Variants in CCBE1 observed in about 807,000 individuals in gnomAD.
The protein encoded by CCBE1 is collagen and calcium binding EGF domains 1.
A neutral mutation model predicts 50.0 loss-of-function variants in CCBE1; 37 were observed. The ratio of observed to expected loss-of-function variants is 0.74; its 90% CI spans 0.57 to 0.97. The LOEUF is 0.97. CCBE1 is among the 50% of genes least tolerant of loss of function. The pLI, the probability that CCBE1 is intolerant of heterozygous loss-of-function variation, is 0.00. For synonymous variants in CCBE1, 234 were observed against 203.7 expected, an observed-to-expected ratio of 1.15 and a Z score of -1.27; for missense variants, 538 against 523.8, an observed-to-expected ratio of 1.03 and a Z score of -0.26.
At chr18:59,539,608 A>G (rs532610894) in intron 2 of CCBE1, among the ~76,000 whole-genome samples, 3 of 152,330 alleles carry the variant, frequency 2.0e-5, no homozygotes, top group African/African-American at 7.2e-5. Context: ...GCAGCAATAG[A>G]TAACTAACAC....
chr18:59,625,247 C>T (rs1337740139), intron 2 of CCBE1, among the ~76,000 whole-genome samples: 3 of 151,900 alleles, frequency 2.0e-5, no homozygotes, highest in African/African-American at 4.8e-5. Flanking sequence ...GTGGCTAACA[C>T]GGTGAAACCC....
chr18:59,493,688 T>G (rs752400496), intron 2 of CCBE1, among the ~76,000 whole-genome samples: 7 of 152,138 alleles, frequency 4.6e-5, no homozygotes, highest in Non-Finnish European at 8.8e-5. Context: ...AGACACAGAT[T>G]AGTAAGATTT....
intron 2 of CCBE1, among the ~76,000 whole-genome samples, chr18:59,598,898 A>G (rs543872076): frequency 6.6e-6 from 1 of 152,212 alleles, no homozygotes; most frequent in African/African-American, 2.4e-5. Flanking sequence ...GATACAATTC[A>G]TGCAAACCAT....
chr18:59,624,659 G>A (rs1415079718), intron 2 of CCBE1, among the ~76,000 whole-genome samples: 2 of 152,098 alleles, frequency 1.3e-5, no homozygotes, highest in Non-Finnish European at 2.9e-5. Flanking sequence ...GTACAAGTGC[G>A]GTTGTTTCAA....
intron 2 of CCBE1, among the ~76,000 whole-genome samples, chr18:59,674,303 A>G (rs193139143): frequency 6.6e-6 from 1 of 152,386 alleles, no homozygotes; most frequent in East Asian, 1.9e-4. Flanking sequence ...CCTATAAAAA[A>G]GGATGAGTTC....
At chr18:59,552,105 T>G (rs9675981) in intron 2 of CCBE1, among the ~76,000 whole-genome samples, 2,613 of 152,314 alleles carry the variant, frequency 0.017, 89 homozygotes, top group African/African-American at 0.059. Flanking sequence ...CTGGCCCTTC[T>G]CCATGGGCCT....
intron 7 of CCBE1, among the ~76,000 whole-genome samples, chr18:59,441,535 A>T (rs1481733621): frequency 6.6e-6 from 1 of 152,064 alleles, no homozygotes; most frequent in Admixed American, 6.6e-5. Context: ...GTAATAGAAC[A>T]ATCAGCAGGA....
intron 2 of CCBE1, among the ~76,000 whole-genome samples, chr18:59,566,824 T>A (rs556391470): frequency 1.3e-5 from 2 of 151,736 alleles, no homozygotes; most frequent in East Asian, 3.9e-4. Context: ...AGAAAAAAAA[T>A]GATGGCTGCT....
At chr18:59,626,458 T>G (rs1305858552) in intron 2 of CCBE1, among the ~76,000 whole-genome samples, 1 of 152,190 alleles carries the variant, frequency 6.6e-6, no homozygotes, top group Admixed American at 6.5e-5. Context: ...CAATGAACAC[T>G]TATCAGGCTT....
At chr18:59,587,168 C>T (rs1286739971) in intron 2 of CCBE1, among the ~76,000 whole-genome samples, 2 of 152,222 alleles carry the variant, frequency 1.3e-5, no homozygotes, top group Non-Finnish European at 2.9e-5. Context: ...AGATGTACTT[C>T]CCAAATTGCT....
intron 2 of CCBE1, among the ~76,000 whole-genome samples, chr18:59,546,884 C>T (rs535460746): frequency 6.6e-6 from 1 of 151,968 alleles, no homozygotes; most frequent in African/African-American, 2.4e-5. Context: ...TGGAGCTTGG[C>T]CATTCTTTTT....
Position 59,583,182 on chromosome 18 carries a change from G to C in CCBE1, c.213-102944C>G, listed in dbSNP as rs545731122. Among the ~76,000 whole-genome samples the C allele has an allele frequency of 2.0e-5, 3 of 152,276 alleles. No homozygotes were observed. In the South Asian group the frequency reaches 6.2e-4, roughly 32 times the overall value. On this transcript the variant is annotated intron_variant, in intron 2 of 10. Transcript: ENST00000439986. ...GGATTCATCACCTGAACTCAGCACA[G>C]GGATGGGTTCTCCCAGTTAAGCACT...
At chr18:59,543,084 C>T (rs1173818464) in intron 2 of CCBE1, among the ~76,000 whole-genome samples, 2 of 152,298 alleles carry the variant, frequency 1.3e-5, no homozygotes, top group South Asian at 2.1e-4. Flanking sequence ...TCTCGGGAAG[C>T]CTTGGATTGC....
chr18:59,483,145 A>G (rs1912656562), intron 2 of CCBE1, among the ~76,000 whole-genome samples: 1 of 152,236 alleles, frequency 6.6e-6, no homozygotes, highest in Non-Finnish European at 1.5e-5. Flanking sequence ...GTGTCTTAAA[A>G]CAAGTTTCAG....
intron 2 of CCBE1, among the ~76,000 whole-genome samples, chr18:59,573,284 A>ATATATATATATAT (rs2052943061): frequency 1.2e-4 from 11 of 93,722 alleles, no homozygotes; most frequent in African/African-American, 4.8e-4. Flanking sequence ...GACTCCGTCT[A>ATATATATATATAT]ATATATATAT....
intron 2 of CCBE1, among the ~76,000 whole-genome samples, chr18:59,681,580 T>C (rs927345198): frequency 6.6e-6 from 1 of 152,188 alleles, no homozygotes; most frequent in African/African-American, 2.4e-5. Context: ...GCACAGCACA[T>C]GTTCAAAGCA....
At chr18:59,441,713 A>G (rs959697305) in intron 7 of CCBE1, among the ~76,000 whole-genome samples, 8 of 152,196 alleles carry the variant, frequency 5.3e-5, no homozygotes, top group African/African-American at 1.7e-4. Flanking sequence ...GAAAAATATA[A>G]TATCATGTAT....
chr18:59,518,812 A>T (rs1371744298), intron 2 of CCBE1, among the ~76,000 whole-genome samples: 1 of 152,178 alleles, frequency 6.6e-6, no homozygotes, highest in Admixed American at 6.5e-5. Flanking sequence ...CAGAGTCTGC[A>T]CACCCGCTGG....
rs73450357 is a variant in CCBE1, at chr18:59,433,075, G to A, written c.*2833C>T. 1.3e-5 allele frequency: 2 copies of A among 151,882 alleles called. No individual in the cohort carries two copies. The highest frequency in any genetic ancestry group is 6.6e-5 in the Admixed American group (1 of 15,256). The allele number at this position is 151,882 out of a possible 1,614,324, so 9.4% of individuals were successfully genotyped here. Reference sequence around the variant, plus strand: ...GTTCAGTTCCTCTCTCTATAAACCCGTGGTTGGTGTGGCCCTCTGTCATGA... The same window carrying A: ...GTTCAGTTCCTCTCTCTATAAACCCATGGTTGGTGTGGCCCTCTGTCATGA... On this transcript the variant is annotated 3_prime_UTR_variant, in exon 11 of 11. Transcript: ENST00000439986.
Sources: gnomAD v4.1 joint callset for allele counts (sites outside exome capture counted in the v4.1 genomes callset) on GRCh38, gnomAD v4.1.1 for gene constraint, MANE v1.5 for transcripts, NCBI Gene and HGNC (gene_info 2026-07-23, HGNC 2026-07-21) for gene names.